APBB2: variants seen among roughly 807,000 people sequenced by gnomAD.
APBB2 encodes the protein amyloid beta precursor protein binding family B member 2, also known as Fe65-like 1.
A neutral mutation model predicts 82.5 loss-of-function variants in APBB2; 38 were observed. That is an observed-to-expected ratio of 0.46 (90% CI 0.36 to 0.60). The LOEUF (loss-of-function observed/expected upper bound fraction) is 0.60, where lower values mean the gene tolerates loss of function less well. APBB2 is among the 20% of genes least tolerant of loss of function. The pLI is 0.00. For synonymous variants in APBB2, 341 were observed against 368.2 expected (o/e 0.93, Z 0.85); for missense variants, 772 against 972.3 (o/e 0.79, Z 2.74).
chr4:41,096,493 C>T (rs1743504050), intron 3 of APBB2, among the ~76,000 whole-genome samples: 1 of 152,078 alleles, frequency 6.6e-6, no homozygotes, highest in Non-Finnish European at 1.5e-5. Flanking sequence ...AAATATTCTA[C>T]TAGAAAAAAA....
At chr4:40,827,409 G>T (rs1160100129) in intron 13 of APBB2, among the ~76,000 whole-genome samples, 190 bp from the exon 14 acceptor site, 1 of 152,114 alleles carries the variant, frequency 6.6e-6, no homozygotes, top group Non-Finnish European at 1.5e-5. Flanking sequence ...TTTCTCTGGG[G>T]ATGATAGGTG....
chr4:41,113,770 T>C lies in APBB2; in HGVS notation c.-260-13020A>G, dbSNP rs529016452. On this transcript the variant is annotated intron_variant, in intron 2 of 17. Transcript: ENST00000508593. ...TGAAGCTTCCTTATTTTTTTGGAGA[T>C]GGATGCTAAAGTATTGAGGGTTAAA... Among the ~76,000 whole-genome samples the C allele has an allele frequency of 3.3e-5, 5 of 152,198 alleles. No individual in the cohort carries two copies. The South Asian group carries it at 1.0e-3, about 32-fold the overall frequency.
intron 2 of APBB2, among the ~76,000 whole-genome samples, chr4:41,106,596 C>T (rs1051007527): frequency 6.6e-6 from 1 of 152,110 alleles, no homozygotes; most frequent in African/African-American, 2.4e-5. Flanking sequence ...CCTGCCTCAG[C>T]CTCCCAAGTA....
At chr4:40,900,466 T>G (rs574545974) in intron 10 of APBB2, among the ~76,000 whole-genome samples, 29 of 151,124 alleles carry the variant, frequency 1.9e-4, no homozygotes, top group African/African-American at 6.8e-4. Context: ...TTTTTTTTTT[T>G]TTTTTTTAAG....
chr4:40,992,600 G>A (rs1034979590), intron 6 of APBB2, among the ~76,000 whole-genome samples: 2 of 152,158 alleles, frequency 1.3e-5, no homozygotes, highest in Admixed American at 6.5e-5. Context: ...AAGGAAGAGA[G>A]CAAACCAACA....
chr4:40,909,797 AG>A (rs1778055332), intron 10 of APBB2, among the ~76,000 whole-genome samples: 1 of 152,204 alleles, frequency 6.6e-6, no homozygotes, highest in Non-Finnish European at 1.5e-5. Context: ...TTTATATACA[AG>A]TCTGGTCTTG....
chr4:40,882,700 C>T (rs1045124582), intron 12 of APBB2, among the ~76,000 whole-genome samples: 1 of 152,166 alleles, frequency 6.6e-6, no homozygotes, highest in Admixed American at 6.5e-5. Context: ...GGAGTCCCAG[C>T]CCCAGCATCA....
intron 1 of APBB2, among the ~76,000 whole-genome samples, chr4:41,181,259 T>C (rs1771256622): frequency 6.6e-6 from 1 of 152,170 alleles, no homozygotes; most frequent in African/African-American, 2.4e-5. Flanking sequence ...GGGGCAAGGC[T>C]ACAACTCAAG....
intron 2 of APBB2, among the ~76,000 whole-genome samples, chr4:41,141,742 G>T (rs1759276841): frequency 6.6e-6 from 1 of 152,222 alleles, no homozygotes; most frequent in East Asian, 1.9e-4. Context: ...GTCATGTCTT[G>T]CATGGATGCC....
intron 12 of APBB2, among the ~76,000 whole-genome samples, chr4:40,853,834 C>G (rs1760269755): frequency 6.6e-6 from 1 of 152,160 alleles, no homozygotes; most frequent in Non-Finnish European, 1.5e-5. Context: ...ATGTTGCCTC[C>G]TAGGACAGGC....
In APBB2 at chr4:41,046,246, A is replaced by AT. The variant is rs1164168820; in HGVS notation, c.-50-12943dup. Among the ~76,000 whole-genome samples, 3 of 152,220 alleles carry AT rather than the reference A, an allele frequency of 2.0e-5. No homozygotes were observed. In the East Asian group the frequency reaches 5.8e-4, roughly 29 times the overall value. On this transcript the variant is annotated intron_variant, in intron 4 of 17. Coordinates refer to ENST00000508593, the MANE Select transcript of APBB2 (RefSeq NM_004307.2). Reference sequence around the variant, plus strand: ...CTGCTTTCCATGCTATATTTGACAGATTTTACTCTATAGCTCAGAAAACAT... The same window carrying AT: ...CTGCTTTCCATGCTATATTTGACAGATTTTTACTCTATAGCTCAGAAAACAT...
intron 10 of APBB2, among the ~76,000 whole-genome samples, chr4:40,929,912 A>G (rs1169718933): frequency 6.6e-6 from 1 of 152,192 alleles, no homozygotes; most frequent in Non-Finnish European, 1.5e-5. Flanking sequence ...AGTGGGGGAA[A>G]AACTCCTCCT....
chr4:41,108,814 CT>C (rs1055058130), intron 2 of APBB2, among the ~76,000 whole-genome samples: 5 of 152,160 alleles, frequency 3.3e-5, no homozygotes, highest in African/African-American at 1.2e-4. Flanking sequence ...AACCCAACCC[CT>C]TGTTTCTCCT....
intron 2 of APBB2, among the ~76,000 whole-genome samples, chr4:41,112,711 C>T (rs549715947): frequency 6.6e-6 from 1 of 152,162 alleles, no homozygotes; most frequent in African/African-American, 2.4e-5. Flanking sequence ...GGTTTCAGGC[C>T]GGGCGTGGTG....
At chr4:40,989,820 T>C (rs1031639527) in intron 6 of APBB2, among the ~76,000 whole-genome samples, 1 of 152,198 alleles carries the variant, frequency 6.6e-6, no homozygotes, top group Admixed American at 6.5e-5. Flanking sequence ...AGATTAAATA[T>C]TGCAAACCAG....
chr4:41,000,074 T>TGC (rs1397496316), intron 6 of APBB2, among the ~76,000 whole-genome samples: 3 of 95,550 alleles, frequency 3.1e-5, no homozygotes, highest in African/African-American at 1.3e-4. Context: ...TGTGTATGTG[T>TGC]GTGTGTGTGT....
At chr4:40,862,470 T>C (rs1252821167) in intron 12 of APBB2, among the ~76,000 whole-genome samples, 1 of 152,204 alleles carries the variant, frequency 6.6e-6, no homozygotes, top group African/African-American at 2.4e-5. Context: ...TTAACATCCA[T>C]TTGTATGACA....
At chr4:41,101,466 G>A (rs1274794861) in intron 2 of APBB2, among the ~76,000 whole-genome samples, 1 of 60,904 alleles carries the variant, frequency 1.6e-5, no homozygotes, top group African/African-American at 7.3e-5. Context: ...GCGAGACTCC[G>A]TCTCAAAAAA....
At chr4:41,092,572 G>A (rs999690609) in intron 3 of APBB2, among the ~76,000 whole-genome samples, 2 of 151,770 alleles carry the variant, frequency 1.3e-5, no homozygotes, top group African/African-American at 2.4e-5. Context: ...GTGTGTACTC[G>A]CAGCTACTCG....
Sources: allele counts gnomAD v4.1 joint callset (sites outside exome capture counted in the v4.1 genomes callset), GRCh38; gene constraint gnomAD v4.1.1; transcripts MANE v1.5; gene names NCBI Gene and HGNC (gene_info 2026-07-23, HGNC 2026-07-21).